The following CDC40 variants were observed in gnomAD, a reference collection of about 807,000 sequenced individuals.
CDC40 encodes pre-mRNA-processing factor 17.
Under a neutral mutation model 80.6 loss-of-function variants are expected in CDC40, and 27 were observed. The observed-to-expected ratio is 0.33, with a 90% CI of 0.25 to 0.46. The LOEUF is 0.46. CDC40 is among the 20% of genes least tolerant of loss of function. CDC40 has a pLI of 1.00. For missense variants in CDC40, 486 were observed against 694.1 expected (o/e 0.70, Z 3.37); for synonymous variants, 221 against 232.6 (o/e 0.95, Z 0.45).
chr6:110,221,172 G>A (rs1420176687), intron 12 of CDC40, among the ~76,000 whole-genome samples: 1 of 152,156 alleles, frequency 6.6e-6, no homozygotes, highest in East Asian at 1.9e-4. Context: ...TAAAACGAAT[G>A]ATTGGATGGA....
intron 6 of CDC40, chr6:110,211,081 C>G (rs998925741): frequency 1.2e-5 from 2 of 170,260 alleles, no homozygotes; most frequent in Non-Finnish European, 2.5e-5. Context: ...CTTGAATAGT[C>G]CACAATCTAT....
Position 110,212,160 on chromosome 6 carries a change from G to C in CDC40, c.755G>C (p.Arg252Thr). 6.2e-7 allele frequency: 1 copy of C among 1,613,550 alleles called. No individual in the cohort carries two copies. The highest frequency in any genetic ancestry group is 8.5e-7 in the Non-Finnish European group (1 of 1,179,528). ...AAAGAAATGTATGACTATCAAGGCA[G>C]GTCCTATCTTCACATACCTCAGGAT... is the stretch of plus-strand genomic sequence containing the variant. ...HVKEMYDYQG[R>T]SYLHIPQDVG... The change falls in exon 7 of 15, where the codon AGG (arginine) becomes ACG (threonine). Residue 252 changes from arginine to threonine, a missense_variant. Physicochemically the swap from Arg to Thr is moderately conservative, Grantham distance 71. Transcript: ENST00000307731.
intron 2 of CDC40, among the ~76,000 whole-genome samples, chr6:110,199,889 T>C (rs1464967517): frequency 1.3e-5 from 2 of 152,164 alleles, no homozygotes; most frequent in East Asian, 3.9e-4. Context: ...GGATGATAGC[T>C]GACCGTAGCG....
intron 12 of CDC40, among the ~76,000 whole-genome samples, chr6:110,220,658 G>A (rs960852826): frequency 2.7e-4 from 41 of 152,142 alleles, no homozygotes; most frequent in Non-Finnish European, 4.0e-4. Context: ...TGTTAGCCAG[G>A]ATGGTCTCGA....
intron 9 of CDC40, among the ~76,000 whole-genome samples, chr6:110,216,355 C>A (rs1187743484): frequency 6.6e-6 from 1 of 152,148 alleles, no homozygotes; most frequent in African/African-American, 2.4e-5. Context: ...AAGTGGGAGT[C>A]TGTTCAGCAG....
intron 2 of CDC40, among the ~76,000 whole-genome samples, chr6:110,198,058 A>T (rs1397372273): frequency 6.6e-6 from 1 of 151,828 alleles, no homozygotes; most frequent in African/African-American, 2.4e-5. Context: ...CCTTGCCAAC[A>T]CTTGTTACCC....
At chr6:110,211,151 TGTTTTTA>T (rs1162607690) in intron 6 of CDC40, 1 of 153,202 alleles carries the variant, frequency 6.5e-6, no homozygotes. Flanking sequence ...TCATTTTAAA[TGTTTTTA>T]ATGAAGCCAA....
intron 3 of CDC40, among the ~76,000 whole-genome samples, chr6:110,202,175 A>G (rs1236172210): frequency 6.6e-6 from 1 of 152,174 alleles, no homozygotes; most frequent in East Asian, 1.9e-4. Flanking sequence ...ACATCCTACC[A>G]GTGGTGGGAT....
At chr6:110,184,996 C>T (rs1777246485) in intron 1 of CDC40, among the ~76,000 whole-genome samples, 1 of 152,094 alleles carries the variant, frequency 6.6e-6, no homozygotes, top group South Asian at 2.1e-4. Flanking sequence ...AATTAGTAAA[C>T]TGCATCTAAA....
At position 110,216,303 on chromosome 6, in the gene CDC40, C is replaced by T. The variant is rs182325436; in HGVS notation, c.988+972C>T. The stretch of plus-strand genomic sequence containing the variant: ...ACTCATTCCAAATTTAACTGTACCA[C>T]GTTGAAACGGTGTGACTCGTAGTGG... On this transcript the variant is annotated intron_variant, in intron 9 of 14. Coordinates refer to ENST00000307731, the MANE Select transcript of CDC40 (RefSeq NM_015891.3). Among the ~76,000 whole-genome samples the T allele has an allele frequency of 5.3e-5, 8 of 152,316 alleles. No individual in the cohort carries two copies. The South Asian group carries it at 6.2e-4, about 12-fold the overall frequency.
intron 4 of CDC40, among the ~76,000 whole-genome samples, chr6:110,208,416 T>G (rs1046449603): frequency 2.3e-4 from 35 of 152,186 alleles, no homozygotes; most frequent in African/African-American, 8.4e-4. Context: ...AGTTAATGAC[T>G]ATACACAGTA....
chr6:110,228,915 A>G lies in CDC40; in HGVS notation c.1501A>G (p.Ile501Val), dbSNP rs745554415. ...CAGATTTAGATTAAATAAGAAAAAA[A>G]TTTTTAAGGGCCATATGGTAGCAGG... is the stretch of plus-strand genomic sequence containing the variant. ...QNRFRLNKKK[I>V]FKGHMVAGYA... is the part of the protein sequence containing the mutation. The change falls in exon 14 of 15, where the codon ATT becomes GTT. Residue 501 changes from isoleucine to valine, a missense_variant. Physicochemically the swap from Ile to Val is conservative, Grantham distance 29 (BLOSUM62 3). Around this residue, in one of 3 missense-constraint regions of CDC40, gnomAD observed 88 missense variants for 138.7 expected, o/e 0.63. Coordinates refer to ENST00000307731, the MANE Select transcript of CDC40 (RefSeq NM_015891.3). 8.7e-6 allele frequency: 14 copies of G among 1,607,550 alleles called. No individual in the cohort carries two copies. The East Asian group carries it at 3.1e-4, about 36-fold the overall frequency.
chr6:110,225,946 A>G (rs994587381), intron 12 of CDC40, among the ~76,000 whole-genome samples: 1 of 152,232 alleles, frequency 6.6e-6, no homozygotes, highest in African/African-American at 2.4e-5. Flanking sequence ...CACCACTGTT[A>G]TAATGATCAT....
intron 1 of CDC40, among the ~76,000 whole-genome samples, chr6:110,183,838 T>C (rs1038223314): frequency 6.6e-6 from 1 of 151,866 alleles, no homozygotes; most frequent in Non-Finnish European, 1.5e-5. Context: ...GGTGATTTAA[T>C]TTTTTTTTCT....
chr6:110,192,752 C>T (rs1777367868), intron 1 of CDC40, among the ~76,000 whole-genome samples: 2 of 152,152 alleles, frequency 1.3e-5, no homozygotes, highest in South Asian at 4.1e-4. Flanking sequence ...AAGATTCAGG[C>T]CCTGTCACTT....
At chr6:110,203,395 A>T (rs1777517322) in intron 3 of CDC40, among the ~76,000 whole-genome samples, 1 of 152,176 alleles carries the variant, frequency 6.6e-6, no homozygotes. Context: ...CATGAAATGT[A>T]AGGCTGTGAG....
chr6:110,182,320 G>A (rs1777209174), intron 1 of CDC40, among the ~76,000 whole-genome samples: 1 of 152,152 alleles, frequency 6.6e-6, no homozygotes, highest in Non-Finnish European at 1.5e-5. Context: ...CTCCTTGCTA[G>A]CTTACGATCT....
Position 110,210,785 on chromosome 6 carries a change from G to A in CDC40, c.709G>A (p.Glu237Lys), listed in dbSNP as rs1777628209. The change falls in exon 6 of 15, where the codon GAG becomes AAG. Residue 237 changes from glutamate (E) to lysine (K), a missense_variant. Physicochemically the swap from Glu to Lys is moderately conservative, Grantham distance 56. This residue lies in a region of CDC40 where 381 missense variants were observed against 492.1 expected (regional missense o/e 0.77). Coordinates refer to ENST00000307731, the MANE Select transcript of CDC40 (RefSeq NM_015891.3). ...ACAGGAAGAAGAGAAACCTGGGGAGGAGAAGACAATCTTACATGGTAACAT... is the reference window on the plus strand; with the variant it reads ...ACAGGAAGAAGAGAAACCTGGGGAGAAGAAGACAATCTTACATGGTAACAT... ...GKQEEEKPGE[E>K]KTILHVKEMY... 1 of 1,560,752 alleles carries A rather than the reference G, an allele frequency of 6.4e-7. No individual in the cohort carries two copies. The highest frequency in any genetic ancestry group is 8.7e-7 in the Non-Finnish European group (1 of 1,153,866).
rs1777917674 is a variant in CDC40 at position 110,230,211 on chromosome 6, A to G, written c.*80A>G. ...ATTTAATTATTAAATGTATCTGATG[A>G]TAACTTGATTTACAGATAATGTTGA... On this transcript the variant is annotated 3_prime_UTR_variant, in exon 15 of 15. Transcript: ENST00000307731. 3 of 840,204 alleles carry G rather than the reference A, an allele frequency of 3.6e-6. No individual in the cohort carries two copies. In the East Asian group the frequency reaches 8.3e-5, roughly 23 times the overall value. The allele number at this position is 840,204 out of a possible 1,614,324, so 52.0% of individuals were successfully genotyped here. A position where few individuals can be genotyped will look rare whatever the true frequency, so the allele number is the denominator to read the frequency against.
Sources: allele counts gnomAD v4.1 joint callset (sites outside exome capture counted in the v4.1 genomes callset), GRCh38; gene constraint gnomAD v4.1.1; regional missense constraint gnomAD v4.1.1; transcripts MANE v1.5; gene names NCBI Gene and HGNC (gene_info 2026-07-23, HGNC 2026-07-21).